Variants in PCDHA2 observed in about 807,000 individuals in gnomAD.
The protein encoded by PCDHA2 is protocadherin alpha-2.
In PCDHA2, 58 loss-of-function variants were observed where a neutral mutation model predicts 66.0. That is an observed-to-expected ratio of 0.88 (90% CI 0.71 to 1.09). The LOEUF (loss-of-function observed/expected upper bound fraction) is 1.09. Among genes scored for constraint, PCDHA2 ranks in the 50% least tolerant of loss-of-function variants. The pLI is 0.00. For synonymous variants in PCDHA2, 634 were observed against 554.0 expected (o/e 1.14, Z -2.03); for missense variants, 1,267 against 1,242.3 (o/e 1.02, Z -0.30).
intron 1 of PCDHA2, among the ~76,000 whole-genome samples, chr5:140,974,980 G>A (rs149148015): frequency 2.4e-4 from 36 of 152,208 alleles, no homozygotes; most frequent in Non-Finnish European, 5.0e-4. Context: ...TGAGTTGTCC[G>A]CTCAGGTATT....
chr5:140,973,825 T>A (rs1253333011), intron 1 of PCDHA2, among the ~76,000 whole-genome samples: 5 of 152,246 alleles, frequency 3.3e-5, no homozygotes, highest in Non-Finnish European at 5.9e-5. Context: ...AAGTCAGTTC[T>A]GGGTACTTGC....
intron 1 of PCDHA2, chr5:140,835,504 T>C: frequency 1.2e-6 from 2 of 1,613,936 alleles, no homozygotes; most frequent in Non-Finnish European, 1.7e-6. Flanking sequence ...TTGATTAGCG[T>C]GTTTGACCGA....
At chr5:140,848,462 T>C in intron 1 of PCDHA2, 1 of 1,542,130 alleles carries the variant, frequency 6.5e-7, no homozygotes, top group Non-Finnish European at 8.8e-7. Flanking sequence ...TTGGAGGCAA[T>C]TTTCACTAAT....
intron 1 of PCDHA2, 181 bp downstream of exon 1, chr5:140,797,533 C>T: frequency 1.3e-6 from 1 of 769,010 alleles, no homozygotes; most frequent in East Asian, 2.7e-5. Context: ...TTTAAACAAT[C>T]TACATAACTG....
At chr5:140,874,459 G>A (rs569536068) in intron 1 of PCDHA2, among the ~76,000 whole-genome samples, 3 of 152,196 alleles carry the variant, frequency 2.0e-5, no homozygotes, top group African/African-American at 7.2e-5. Flanking sequence ...GACCTGTAGG[G>A]GAAGATTTAG....
At chr5:140,862,318 A>C (rs2153223303) in intron 1 of PCDHA2, 1 of 317,904 alleles carries the variant, frequency 3.1e-6, no homozygotes, top group African/African-American at 2.2e-5. Context: ...TCATAGCCCT[A>C]ATCAGTGTAA....
intron 1 of PCDHA2, among the ~76,000 whole-genome samples, chr5:140,937,783 G>A (rs1554211789): frequency 6.7e-6 from 1 of 150,256 alleles, no homozygotes; most frequent in African/African-American, 2.5e-5. Context: ...GTGGTGGCGG[G>A]CGTATGTAGT....
In PCDHA2 at chr5:140,853,628, A is replaced by G. The variant is rs782528140; in HGVS notation, c.2388+56276A>G. ...GGGGTGCTGTAAATAAGTATACAAG[A>G]TCACAGACCTAAATTGAGCCTGTTC... On this transcript the variant is annotated intron_variant, in intron 1 of 3. Transcript: ENST00000526136. The G allele has an allele frequency of 2.2e-5, 22 of 988,404 alleles. 3 individuals are homozygous for G. The highest frequency in any genetic ancestry group is 2.6e-5 in the Non-Finnish European group (21 of 820,488). The allele number at this position is 988,404 out of a possible 1,614,324, so 61.2% of individuals were successfully genotyped here.
intron 1 of PCDHA2, chr5:140,858,086 C>T (rs1554151138): frequency 6.3e-7 from 1 of 1,597,802 alleles, no homozygotes; most frequent in Admixed American, 1.7e-5. Flanking sequence ...GGCCTCGTCG[C>T]GGGCTTCAGT....
intron 1 of PCDHA2, among the ~76,000 whole-genome samples, chr5:140,946,772 TG>T (rs2094025159): frequency 6.6e-6 from 1 of 151,346 alleles, no homozygotes; most frequent in Non-Finnish European, 1.5e-5. Context: ...TCATGTGGAA[TG>T]TAAAAAAGCT....
chr5:140,839,976 A>G (rs1776500319), intron 1 of PCDHA2, among the ~76,000 whole-genome samples: 1 of 152,102 alleles, frequency 6.6e-6, no homozygotes, highest in African/African-American at 2.4e-5. Flanking sequence ...TATGACTCCT[A>G]TTGGAAAGTG....
At position 140,855,056 on chromosome 5, in the gene PCDHA2, G is replaced by A. The variant is rs1045590902; in HGVS notation, c.2388+57704G>A. The stretch of plus-strand genomic sequence containing the variant: ...GATTTTTCTGTAATAGTACTTTTCT[G>A]TTTTCTTAAATACAGAAACCACCAC... On this transcript the variant is annotated intron_variant, in intron 1 of 3. Coordinates refer to ENST00000526136, the MANE Select transcript of PCDHA2 (RefSeq NM_018905.3). Among the ~76,000 whole-genome samples, 11 of 149,630 alleles carry A rather than the reference G, an allele frequency of 7.4e-5. 2 individuals are homozygous for A. The highest frequency in any genetic ancestry group is 1.6e-4 in the Non-Finnish European group (11 of 66,976).
intron 1 of PCDHA2, among the ~76,000 whole-genome samples, chr5:140,962,590 C>T (rs2095694493): frequency 6.6e-6 from 1 of 152,144 alleles, no homozygotes; most frequent in African/African-American, 2.4e-5. Context: ...AAATATTTGA[C>T]TGATATATTT....
intron 1 of PCDHA2, chr5:140,801,023 A>T: frequency 7.0e-7 from 1 of 1,423,576 alleles, no homozygotes; most frequent in Non-Finnish European, 9.1e-7. Context: ...TGTCCACCAC[A>T]AGGTCTTTCT....
In PCDHA2 at chr5:140,965,644, G is replaced by C. The variant is rs201197561; in HGVS notation, c.2389-13305G>C. On this transcript the variant is annotated intron_variant, in intron 1 of 3. Transcript: ENST00000526136. Reference sequence around the variant, plus strand: ...AAAGAAAAAATTTTAAATTACTCTTGAAAGAAAATGTCTTGGGTGATAAAT... The same window carrying C: ...AAAGAAAAAATTTTAAATTACTCTTCAAAGAAAATGTCTTGGGTGATAAAT... Among the ~76,000 whole-genome samples, 13 of 152,146 alleles carry C rather than the reference G, an allele frequency of 8.5e-5. No individual in the cohort carries two copies. The East Asian group carries it at 2.5e-3, about 29-fold the overall frequency.
At chr5:140,949,721 A>G (rs1466646683) in intron 1 of PCDHA2, among the ~76,000 whole-genome samples, 1 of 151,690 alleles carries the variant, frequency 6.6e-6, no homozygotes, top group East Asian at 1.9e-4. Context: ...CATTTTGATA[A>G]TATCTGCTTT....
At chr5:140,953,911 AG>A (rs1554221121) in intron 1 of PCDHA2, among the ~76,000 whole-genome samples, 1 of 152,120 alleles carries the variant, frequency 6.6e-6, no homozygotes, top group South Asian at 2.1e-4. Flanking sequence ...AGCATCCATT[AG>A]GTATTCTTCC....
rs2150203644 is a variant in PCDHA2, at chr5:140,832,732, A to G, written c.2388+35380A>G. Among the ~76,000 whole-genome samples the G allele has an allele frequency of 1.6e-4, 25 of 152,362 alleles. No individual in the cohort carries two copies. In the East Asian group the frequency reaches 4.4e-3, roughly 27 times the overall value. On this transcript the variant is annotated intron_variant, in intron 1 of 3. Coordinates refer to ENST00000526136, the MANE Select transcript of PCDHA2 (RefSeq NM_018905.3). ...ATAGATAAATAAAGGTAAGTATCCT[A>G]CATAAATACGATGATAGTAAAAGCA...
At chr5:140,877,007 C>T in intron 1 of PCDHA2, 2 of 1,612,430 alleles carry the variant, frequency 1.2e-6, no homozygotes, top group Non-Finnish European at 1.7e-6. Context: ...TCGGTGCACG[C>T]GGAGAGCGGC....
Sources: allele counts gnomAD v4.1 joint callset (sites outside exome capture counted in the v4.1 genomes callset), GRCh38; gene constraint gnomAD v4.1.1; transcripts MANE v1.5; gene names NCBI Gene and HGNC (gene_info 2026-07-23, HGNC 2026-07-21).